The following ZDHHC11B variants were observed in gnomAD, a reference collection of about 807,000 sequenced individuals.
ZDHHC11B encodes zDHHC palmitoyltransferase 11B (putative).
A neutral mutation model predicts 42.3 loss-of-function variants in ZDHHC11B; 17 were observed. The observed-to-expected ratio is 0.40, with a 90% CI of 0.27 to 0.60. ZDHHC11B has a LOEUF of 0.60. Among genes scored for constraint, ZDHHC11B ranks in the 20% least tolerant of loss-of-function variants. The pLI, the probability that ZDHHC11B is intolerant of heterozygous loss-of-function variation, is 0.41. For synonymous variants in ZDHHC11B, 123 were observed against 193.5 expected (o/e 0.64, Z 3.02); for missense variants, 262 against 463.2 (o/e 0.57, Z 3.99).
intron 9 of ZDHHC11B, among the ~76,000 whole-genome samples, chr5:744,309 G>A (rs1217210279): frequency 6.7e-6 from 1 of 149,650 alleles, no homozygotes; most frequent in Admixed American, 6.8e-5. Flanking sequence ...GGTTGATAGT[G>A]GCATTGCTGA....
At chr5:778,376 C>T (rs1450765713) in intron 1 of ZDHHC11B, among the ~76,000 whole-genome samples, 1 of 150,914 alleles carries the variant, frequency 6.6e-6, no homozygotes, top group African/African-American at 2.4e-5. Context: ...ACGCGGGGCA[C>T]ACCAGGTTAG....
At chr5:744,877 A>G (rs1744576363) in intron 9 of ZDHHC11B, among the ~76,000 whole-genome samples, 2 of 148,974 alleles carry the variant, frequency 1.3e-5, no homozygotes, top group African/African-American at 4.9e-5. Flanking sequence ...TCTCAAAAAA[A>G]AAAAAAGATG....
At chr5:754,329 G>C (rs5028820) in intron 6 of ZDHHC11B, among the ~76,000 whole-genome samples, 1 of 13,238 alleles carries the variant, frequency 7.6e-5, no homozygotes, top group African/African-American at 2.6e-4. Context: ...CCACGCTCAG[G>C]GGAAAGACCT....
At chr5:760,957 A>G (rs1734530405) in intron 4 of ZDHHC11B, among the ~76,000 whole-genome samples, 1 of 151,692 alleles carries the variant, frequency 6.6e-6, no homozygotes. Flanking sequence ...TGGTGGAGCA[A>G]GACACTGGTC....
intron 4 of ZDHHC11B, among the ~76,000 whole-genome samples, chr5:766,065 G>A (rs1266144174): frequency 6.6e-6 from 1 of 151,888 alleles, no homozygotes; most frequent in African/African-American, 2.4e-5. Context: ...TAGGGGGCCT[G>A]GGGTTTCTCA....
At chr5:783,703 C>T (rs1737028970) in intron 1 of ZDHHC11B, among the ~76,000 whole-genome samples, 1 of 146,344 alleles carries the variant, frequency 6.8e-6, no homozygotes, top group East Asian at 2.2e-4. Flanking sequence ...ACAGCAGCGC[C>T]CAAACCCCCA....
intron 1 of ZDHHC11B, among the ~76,000 whole-genome samples, chr5:777,758 A>G (rs182686031): frequency 6.6e-6 from 1 of 152,086 alleles, no homozygotes; most frequent in Admixed American, 6.5e-5. Flanking sequence ...GAGTCTAGCT[A>G]GCTTTCTCTA....
At position 751,415 on chromosome 5, in the gene ZDHHC11B, G is replaced by A. The variant is rs1365230239; in HGVS notation, c.504-158C>T. Among the ~76,000 whole-genome samples the A allele has an allele frequency of 1.1e-4, 7 of 60,908 alleles. 1 individual carries two copies. Among genetic ancestry groups the A allele is most frequent in the African/African-American group, 2.9e-4 (7 of 24,226 alleles). The allele number at this position is 60,908 out of a possible 152,430, so 40.0% of individuals were successfully genotyped here. ...CAGGGGGCACGCAAGGGCAGGTGTGGGACAGGTGTGGGGGCGGGGAGGCAG... is the reference window on the plus strand; with the variant it reads ...CAGGGGGCACGCAAGGGCAGGTGTGAGACAGGTGTGGGGGCGGGGAGGCAG... On this transcript the variant is annotated intron_variant, in intron 6 of 13. Coordinates refer to ENST00000508859, the MANE Select transcript of ZDHHC11B (RefSeq NM_001351303.2).
rs1735623036 is a variant in ZDHHC11B at position 767,532 on chromosome 5, G to C, written c.-133-8C>G. The C allele has an allele frequency of 7.0e-7, 1 of 1,438,194 alleles. No individual in the cohort carries two copies. The highest frequency in any genetic ancestry group is 9.5e-7 in the Non-Finnish European group (1 of 1,052,542). 89.1% of individuals were successfully genotyped at this position (1,438,194 alleles called of 1,614,324 possible). On this transcript the variant is annotated splice_polypyrimidine_tract_variant and splice_region_variant and intron_variant, in intron 2 of 13. Transcript: ENST00000508859. The stretch of plus-strand genomic sequence containing the variant: ...CACTGGAGAGAAAGGTGACTGGGAG[G>C]AAGAGGAGAAAGAGAGCATCACTGG...
chr5:720,582 A>G (rs1013594096), intron 12 of ZDHHC11B, among the ~76,000 whole-genome samples: 4 of 151,938 alleles, frequency 2.6e-5, no homozygotes, highest in African/African-American at 7.3e-5. Context: ...AAACCATACA[A>G]AGAAATAAAG....
At chr5:766,980 A>ACTGT in intron 3 of ZDHHC11B, 61 bp from the exon 4 acceptor site, 1 of 1,563,370 alleles carries the variant, frequency 6.4e-7, no homozygotes, top group East Asian at 2.2e-5. Flanking sequence ...GGCCCCACCC[A>ACTGT]CTGTCAGGGA....
chr5:724,903 G>A (rs62332086), intron 12 of ZDHHC11B, among the ~76,000 whole-genome samples: 13 of 147,532 alleles, frequency 8.8e-5, no homozygotes, highest in South Asian at 2.2e-4. Flanking sequence ...CTGGTCTGCC[G>A]CATTTCAGAC....
chr5:743,800 G>T (rs1476742261), intron 9 of ZDHHC11B, among the ~76,000 whole-genome samples: 1 of 149,790 alleles, frequency 6.7e-6, no homozygotes, highest in Admixed American at 6.8e-5. Flanking sequence ...TACTTTTTAG[G>T]TTTCATCGTC....
rs576833322 is a variant in ZDHHC11B, at chr5:727,221, C to G, written c.1058+3213G>C. Among the ~76,000 whole-genome samples, 6 of 133,282 alleles carry G rather than the reference C, an allele frequency of 4.5e-5. 2 individuals carry two copies. The highest frequency in any genetic ancestry group is 1.6e-4 in the Admixed American group (2 of 12,856). The allele number at this position is 133,282 out of a possible 152,430, so 87.4% of individuals were successfully genotyped here. A position where few individuals can be genotyped will look rare whatever the true frequency, so the allele number is the denominator to read the frequency against. ...CTGGCCTGGAACTCTGGCGCTGCCC[C>G]CAGCACGTTTCCGTGAAGGACGGAG... On this transcript the variant is annotated intron_variant, in intron 12 of 13. Coordinates refer to ENST00000508859, the MANE Select transcript of ZDHHC11B (RefSeq NM_001351303.2).
chr5:738,814 C>A (rs1345407724), intron 10 of ZDHHC11B, among the ~76,000 whole-genome samples: 2 of 150,216 alleles, frequency 1.3e-5, no homozygotes, highest in African/African-American at 4.9e-5. Context: ...AGACTTAAGA[C>A]CTGAAAGCAA....
intron 1 of ZDHHC11B, among the ~76,000 whole-genome samples, chr5:777,298 G>A (rs1011918666): frequency 1.3e-4 from 20 of 151,872 alleles, no homozygotes; most frequent in Admixed American, 6.6e-4. Context: ...TAGTCTCGCC[G>A]GCTTCAATTC....
At chr5:753,390 C>T (rs1264107764) in intron 6 of ZDHHC11B, among the ~76,000 whole-genome samples, 2 of 130,970 alleles carry the variant, frequency 1.5e-5, no homozygotes, top group African/African-American at 5.0e-5. Context: ...GACCCCGGCC[C>T]TGCTCTCCTG....
chr5:719,755 TAC>T (rs1202777600), intron 12 of ZDHHC11B, among the ~76,000 whole-genome samples: 1 of 151,448 alleles, frequency 6.6e-6, no homozygotes, highest in Non-Finnish European at 1.5e-5. Context: ...GCAGAAAAAA[TAC>T]AGTGTTCCCC....
chr5:722,557 C>T lies in ZDHHC11B; in HGVS notation c.1059-5692G>A, dbSNP rs1369114396. ...GAGAGGACATGAAGCAATAGGACTTCTTATACCCTGCTGTGAGAGTGTAAC... is the reference window on the plus strand; with the variant it reads ...GAGAGGACATGAAGCAATAGGACTTTTTATACCCTGCTGTGAGAGTGTAAC... On this transcript the variant is annotated intron_variant, in intron 12 of 13. Transcript: ENST00000508859. Among the ~76,000 whole-genome samples, 4 of 151,682 alleles carry T rather than the reference C, an allele frequency of 2.6e-5. 1 individual carries two copies. The highest frequency in any genetic ancestry group is 4.4e-5 in the Non-Finnish European group (3 of 67,952).
Sources: allele counts gnomAD v4.1 joint callset (sites outside exome capture counted in the v4.1 genomes callset), GRCh38; gene constraint gnomAD v4.1.1; transcripts MANE v1.5; gene names NCBI Gene and HGNC (gene_info 2026-07-23, HGNC 2026-07-21).